The following GRM7 variants were observed in gnomAD, a reference collection of about 807,000 sequenced individuals.
GRM7 encodes glutamate metabotropic receptor 7.
Under a neutral mutation model 84.5 loss-of-function variants are expected in GRM7, and 35 were observed. That is an observed-to-expected ratio of 0.41 (90% CI 0.32 to 0.55). The LOEUF is 0.55. Among genes scored for constraint, GRM7 ranks in the 20% least tolerant of loss-of-function variants. The pLI, the probability that GRM7 is intolerant of heterozygous loss-of-function variation, is 0.19. For synonymous variants in GRM7, 487 were observed against 455.1 expected, an observed-to-expected ratio of 1.07 and a Z score of -0.89; for missense variants, 1,003 against 1,194.6, an observed-to-expected ratio of 0.84 and a Z score of 2.36.
chr3:7,469,289 G>A (rs537848424), intron 7 of GRM7, among the ~76,000 whole-genome samples: 1 of 152,180 alleles, frequency 6.6e-6, no homozygotes, highest in Admixed American at 6.5e-5. Context: ...GTTCCTCAAG[G>A]GTTCCCTAAG....
chr3:7,330,500 A>G (rs943538594), intron 4 of GRM7, among the ~76,000 whole-genome samples: 1 of 152,042 alleles, frequency 6.6e-6, no homozygotes, highest in African/African-American at 2.4e-5. Context: ...TGAATTGTAG[A>G]TCCTGTAATT....
chr3:7,353,616 T>G (rs1156691654), intron 4 of GRM7, among the ~76,000 whole-genome samples: 1 of 152,074 alleles, frequency 6.6e-6, no homozygotes, highest in African/African-American at 2.4e-5. Flanking sequence ...ACTAGGAGGC[T>G]CCAGAAAACA....
intron 7 of GRM7, among the ~76,000 whole-genome samples, chr3:7,512,244 C>T (rs552443796): frequency 2.6e-5 from 4 of 152,106 alleles, no homozygotes; most frequent in Non-Finnish European, 4.4e-5. Flanking sequence ...TTTACTTTTG[C>T]TTCTGTAGGA....
chr3:7,464,438 T>C (rs1178575359), intron 7 of GRM7, among the ~76,000 whole-genome samples: 1 of 152,144 alleles, frequency 6.6e-6, no homozygotes, highest in Non-Finnish European at 1.5e-5. Context: ...ATCATAATTA[T>C]AAAACAATGT....
chr3:7,621,639 C>A (rs1219981673), intron 8 of GRM7, among the ~76,000 whole-genome samples: 1 of 152,042 alleles, frequency 6.6e-6, no homozygotes, highest in African/African-American at 2.4e-5. Flanking sequence ...AAATGAAATA[C>A]AACAGCAGTG....
chr3:7,264,850 G>C (rs1698576090), intron 2 of GRM7, among the ~76,000 whole-genome samples: 1 of 123,886 alleles, frequency 8.1e-6, no homozygotes, highest in Non-Finnish European at 1.7e-5. Context: ...GGGTCTCCTA[G>C]AGAGAGCAAA....
intron 2 of GRM7, among the ~76,000 whole-genome samples, chr3:7,187,233 G>A (rs558745839): frequency 1.3e-5 from 2 of 151,848 alleles, no homozygotes; most frequent in East Asian, 1.9e-4. Context: ...ACAAAATCTT[G>A]TCCTTTTCTC....
chr3:7,177,937 T>C (rs1367774573), intron 2 of GRM7, among the ~76,000 whole-genome samples: 6 of 152,338 alleles, frequency 3.9e-5, no homozygotes, highest in African/African-American at 1.2e-4. Flanking sequence ...ACTCCTCTAA[T>C]ATTTTGTTCA....
intron 4 of GRM7, among the ~76,000 whole-genome samples, chr3:7,379,148 C>G (rs1490310179): frequency 6.6e-6 from 1 of 152,188 alleles, no homozygotes; most frequent in Non-Finnish European, 1.5e-5. Context: ...TGTTGGCTCA[C>G]TGCAACCTCT....
At position 7,689,777 on chromosome 3, in the gene GRM7, T is replaced by C. The variant is rs115925068; in HGVS notation, c.2698+9482T>C. Among the ~76,000 whole-genome samples, 245 of 152,302 alleles carry C rather than the reference T, an allele frequency of 1.6e-3. 2 individuals carry two copies. The highest frequency in any genetic ancestry group is 8.8e-4 in the Non-Finnish European group (60 of 68,032). On this transcript the variant is annotated intron_variant, in intron 9 of 9. Transcript: ENST00000357716. ...GCACTGCCCTATCTGGTCAAGATTT[T>C]TTACTGAGTATCCTTAAATTGGGTC...
intron 7 of GRM7, among the ~76,000 whole-genome samples, chr3:7,499,892 A>G (rs1371206799): frequency 2.6e-5 from 4 of 151,594 alleles, no homozygotes; most frequent in Admixed American, 6.6e-5. Context: ...CTCCTGCCTC[A>G]GCCTCCCAAA....
At position 6,862,854 on chromosome 3, in the gene GRM7, C is replaced by A; in HGVS notation, c.519+947C>A. Reference sequence around the variant, plus strand: ...CAGAGGGGTGCGTGAAGCGGGGCCCCGTGGTCCTCCTGCTCCGGTGCCGGA... The same window carrying A: ...CAGAGGGGTGCGTGAAGCGGGGCCCAGTGGTCCTCCTGCTCCGGTGCCGGA... On this transcript the variant is annotated intron_variant, in intron 1 of 9. Coordinates refer to ENST00000357716, the MANE Select transcript of GRM7 (RefSeq NM_000844.4). This position sits in a 1 kb window ranked among gnomAD's most constrained non-coding sequence, Gnocchi z 5.2. 1 of 348,398 alleles carries A rather than the reference C, an allele frequency of 2.9e-6. No individual in the cohort carries two copies. Among genetic ancestry groups the A allele is most frequent in the Non-Finnish European group, 5.7e-6 (1 of 174,120 alleles). 21.6% of individuals were successfully genotyped at this position (348,398 alleles called of 1,614,324 possible). A position where few individuals can be genotyped will look rare whatever the true frequency, so the allele number is the denominator to read the frequency against.
At chr3:7,697,812 A>G (rs1701075921) in intron 9 of GRM7, among the ~76,000 whole-genome samples, 1 of 152,174 alleles carries the variant, frequency 6.6e-6, no homozygotes, top group Admixed American at 6.5e-5. Flanking sequence ...AGGAGACAGC[A>G]TTCCACTCTG....
chr3:7,470,654 C>G (rs1183714161), intron 7 of GRM7, among the ~76,000 whole-genome samples: 1 of 152,094 alleles, frequency 6.6e-6, no homozygotes, highest in Non-Finnish European at 1.5e-5. Context: ...TAATAGACTC[C>G]AGATTCTCTG....
intron 4 of GRM7, among the ~76,000 whole-genome samples, chr3:7,401,331 A>G (rs1394690324): frequency 1.3e-5 from 2 of 152,116 alleles, no homozygotes; most frequent in African/African-American, 2.4e-5. Flanking sequence ...AGGAGCAGAA[A>G]GTTGTCAGTA....
intron 1 of GRM7, among the ~76,000 whole-genome samples, chr3:7,145,308 G>A (rs193208471): frequency 2.9e-4 from 44 of 152,108 alleles, no homozygotes; most frequent in African/African-American, 6.3e-4. Context: ...TCATTCTTAC[G>A]TGAAAATTAA....
At chr3:7,094,093 G>A (rs968825223) in intron 1 of GRM7, among the ~76,000 whole-genome samples, 1 of 152,038 alleles carries the variant, frequency 6.6e-6, no homozygotes, top group Admixed American at 6.6e-5. Flanking sequence ...TAGAAATACA[G>A]CAGAGAATAA....
At chr3:6,975,793 T>C (rs1693967803) in intron 1 of GRM7, among the ~76,000 whole-genome samples, 1 of 152,140 alleles carries the variant, frequency 6.6e-6, no homozygotes, top group Non-Finnish European at 1.5e-5. Context: ...TGATCTACAA[T>C]TTGAAAAGCA....
intron 7 of GRM7, among the ~76,000 whole-genome samples, chr3:7,522,959 T>C (rs868618): frequency 0.61 from 93,360 of 151,922 alleles, 29,741 homozygotes; most frequent in African/African-American, 0.79. Flanking sequence ...TCCCTTTGCA[T>C]GTAAGGATGC....
Sources: gnomAD v4.1 joint callset for allele counts (sites outside exome capture counted in the v4.1 genomes callset) on GRCh38, gnomAD v4.1.1 for gene constraint, Gnocchi (gnomAD v3.1) non-coding constraint, MANE v1.5 for transcripts, NCBI Gene and HGNC (gene_info 2026-07-23, HGNC 2026-07-21) for gene names.